Variants in ZEB2 observed in about 807,000 individuals in gnomAD.
ZEB2 encodes the protein zinc finger E-box-binding homeobox 2.
A neutral mutation model predicts 99.9 loss-of-function variants in ZEB2; 6 were observed. That is an observed-to-expected ratio of 0.06 (90% confidence interval 0.03 to 0.12). ZEB2 has a LOEUF of 0.12. Ranked by LOEUF, ZEB2 falls within the 10% of genes least tolerant of loss-of-function variation. The probability of loss-of-function intolerance (pLI) is 1.00; values close to 1 mark genes in which losing one functional copy is unlikely to be tolerated. For missense variants in ZEB2, 969 were observed against 1,502.8 expected (o/e 0.64, Z 5.87); for synonymous variants, 517 against 542.5 (o/e 0.95, Z 0.65).
At chr2:144,391,682 C>T (rs377173528) in intron 9 of ZEB2, among the ~76,000 whole-genome samples, 5 of 152,140 alleles carry the variant, frequency 3.3e-5, no homozygotes, top group South Asian at 2.1e-4. Context: ...TTTTGTCTCC[C>T]GGGAAACTTC....
At chr2:144,512,408 G>A (rs951144350) in intron 2 of ZEB2, 19 of 1,287,064 alleles carry the variant, frequency 1.5e-5, no homozygotes, top group Non-Finnish European at 1.8e-5. Context: ...TACCTTCAGG[G>A]TAGACATACA....
chr2:144,425,919 T>C (rs1000835865), intron 3 of ZEB2, among the ~76,000 whole-genome samples: 25 of 152,200 alleles, frequency 1.6e-4, no homozygotes, highest in African/African-American at 5.3e-4. Flanking sequence ...AAATCTGTCC[T>C]GGTCATTCTT....
intron 2 of ZEB2, chr2:144,511,818 G>C (rs912363626): frequency 1.6e-6 from 2 of 1,287,136 alleles, no homozygotes; most frequent in Non-Finnish European, 2.0e-6. Flanking sequence ...AGGGGGAATA[G>C]GGCTATATTT....
At chr2:144,426,778 T>G (rs753846944) in intron 3 of ZEB2, 1 of 152,192 alleles carries the variant, frequency 6.6e-6, no homozygotes, top group Non-Finnish European at 1.5e-5. Context: ...TAGAAAGTAC[T>G]TTGCTTTGAT....
At chr2:144,401,104 G>T in intron 7 of ZEB2, 95 bp downstream of exon 7, 2 of 1,150,294 alleles carry the variant, frequency 1.7e-6, no homozygotes, top group Non-Finnish European at 2.6e-6. Flanking sequence ...GTTCCAAAAA[G>T]CTACAAATAG....
chr2:144,502,736 T>A lies in ZEB2; in HGVS notation c.73+14542A>T, dbSNP rs539469479. Among the ~76,000 whole-genome samples, 6 of 152,316 alleles carry A rather than the reference T, an allele frequency of 3.9e-5. No homozygotes were observed. The South Asian group carries it at 1.0e-3, about 26-fold the overall frequency. On this transcript the variant is annotated intron_variant, in intron 2 of 9. Coordinates refer to ENST00000627532, the MANE Select transcript of ZEB2 (RefSeq NM_014795.4). ...GTACCAAACTTAAGATTTCTTTAGA[T>A]AGGCGAGCTGTTGCCTCTGGAACAG...
chr2:144,394,870 T>C (rs1233789035), intron 9 of ZEB2, among the ~76,000 whole-genome samples: 1 of 152,050 alleles, frequency 6.6e-6, no homozygotes, highest in East Asian at 1.9e-4. Context: ...ATGTGCCCAG[T>C]GAGGAATAAT....
intron 2 of ZEB2, chr2:144,516,517 C>T (rs75128121): frequency 0.021 from 3,117 of 151,488 alleles, 112 homozygotes; most frequent in African/African-American, 0.071. Context: ...CTTCCTGACT[C>T]AGCCTGGATA....
intron 2 of ZEB2, among the ~76,000 whole-genome samples, chr2:144,457,894 C>T (rs909589233): frequency 2.0e-5 from 3 of 152,024 alleles, no homozygotes; most frequent in South Asian, 4.1e-4. Context: ...TTTGTCCTGT[C>T]CCAATTAATG....
At chr2:144,461,740 T>A (rs897709949) in intron 2 of ZEB2, 3 of 152,288 alleles carry the variant, frequency 2.0e-5, no homozygotes, top group Middle Eastern at 3.4e-3. Flanking sequence ...CACCAAGGTT[T>A]AAAAAATAAT....
rs10529605 is a variant in ZEB2, at chr2:144,484,185, T to TTGTG, written c.73+33089_73+33092dup. On this transcript the variant is annotated intron_variant, in intron 2 of 9. Coordinates refer to ENST00000627532, the MANE Select transcript of ZEB2 (RefSeq NM_014795.4). Reference sequence around the variant, plus strand: ...CTCCAGGGGAGCTGGAAATCTGGATTTGTGTGTGTGTGTGTGTGTGTGTGT... The same window carrying TTGTG: ...CTCCAGGGGAGCTGGAAATCTGGATTTGTGTGTGTGTGTGTGTGTGTGTGTGTGT... Among the ~76,000 whole-genome samples, 1,381 of 142,520 alleles carry TTGTG rather than the reference T, an allele frequency of 9.7e-3. 24 individuals are homozygous for TTGTG. Among genetic ancestry groups the TTGTG allele is most frequent in the African/African-American group, 0.032 (1,230 of 38,712 alleles). 93.5% of individuals were successfully genotyped at this position (142,520 alleles called of 152,430 possible).
intron 4 of ZEB2, among the ~76,000 whole-genome samples, chr2:144,406,596 T>G (rs1053765276): frequency 6.6e-6 from 1 of 151,846 alleles, no homozygotes; most frequent in Non-Finnish European, 1.5e-5. Context: ...AGGACAGTGC[T>G]GGAGTGCAGA....
At chr2:144,513,374 T>C in intron 2 of ZEB2, 2 of 1,334,966 alleles carry the variant, frequency 1.5e-6, no homozygotes. Flanking sequence ...CCAAAGGCAT[T>C]TGTAAAAAGC....
chr2:144,445,880 G>A (rs1475139686), intron 2 of ZEB2, among the ~76,000 whole-genome samples: 2 of 152,174 alleles, frequency 1.3e-5, no homozygotes, highest in South Asian at 4.1e-4. Context: ...TAGAAGCTCT[G>A]CTGTGTCAAT....
In ZEB2 at chr2:144,405,123, T is replaced by C. The variant is rs1016809878; in HGVS notation, c.404-99A>G. 3 of 1,268,244 alleles carry C rather than the reference T, an allele frequency of 2.4e-6. No homozygotes were observed. The African/African-American group carries it at 4.4e-5, about 19-fold the overall frequency. 78.6% of individuals were successfully genotyped at this position (1,268,244 alleles called of 1,614,324 possible). A position where few individuals can be genotyped will look rare whatever the true frequency, so the allele number is the denominator to read the frequency against. ...GCCAGTGAGAAATGCTGACTTGCAA[T>C]AGACTACAAAACCTAGTTTATTTGT... On this transcript the variant is annotated intron_variant, in intron 4 of 9. Coordinates refer to ENST00000627532, the MANE Select transcript of ZEB2 (RefSeq NM_014795.4).
intron 2 of ZEB2, among the ~76,000 whole-genome samples, chr2:144,505,315 G>GTTT (rs1704937387): frequency 3.9e-5 from 6 of 152,138 alleles, no homozygotes; most frequent in Non-Finnish European, 8.8e-5. Flanking sequence ...AAGCGACTGG[G>GTTT]GGAAAGACAA....
chr2:144,460,376 CTATT>C (rs749152797), intron 2 of ZEB2, among the ~76,000 whole-genome samples: 9 of 152,062 alleles, frequency 5.9e-5, no homozygotes, highest in African/African-American at 1.2e-4. Flanking sequence ...CTCTCTCTCT[CTATT>C]TATTTATTTA....
chr2:144,425,155 A>G (rs1170747950), intron 3 of ZEB2, among the ~76,000 whole-genome samples: 2 of 152,144 alleles, frequency 1.3e-5, no homozygotes, highest in Non-Finnish European at 2.9e-5. Flanking sequence ...CAAATGGGGG[A>G]AAGATATTAT....
chr2:144,436,948 A>T (rs1449101093), intron 2 of ZEB2, among the ~76,000 whole-genome samples: 2 of 152,214 alleles, frequency 1.3e-5, no homozygotes, highest in Non-Finnish European at 2.9e-5. Context: ...AAGACTTGAC[A>T]TCTGTTTATT....
Sources: allele counts gnomAD v4.1 joint callset (sites outside exome capture counted in the v4.1 genomes callset), GRCh38; gene constraint gnomAD v4.1.1; transcripts MANE v1.5; gene names NCBI Gene and HGNC (gene_info 2026-07-23, HGNC 2026-07-21).